The following SSC4D variants were observed in gnomAD, a reference collection of about 807,000 sequenced individuals.
SSC4D encodes scavenger receptor cysteine rich family member with 4 domains.
Under a neutral mutation model 63.4 loss-of-function variants are expected in SSC4D, and 57 were observed. The ratio of observed to expected loss-of-function variants is 0.90; its 90% CI spans 0.73 to 1.12. The LOEUF is 1.12. SSC4D is among the 50% of genes most tolerant of loss of function. The probability of loss-of-function intolerance (pLI) is 0.00; values close to 1 mark genes in which losing one functional copy is unlikely to be tolerated. For missense variants in SSC4D, 791 were observed against 806.4 expected (o/e 0.98, Z 0.23); for synonymous variants, 352 against 345.4 (o/e 1.02, Z -0.21).
At chr7:76,396,935 C>G (rs944127546) in intron 6 of SSC4D, among the ~76,000 whole-genome samples, 1 of 152,124 alleles carries the variant, frequency 6.6e-6, no homozygotes, top group Admixed American at 6.6e-5. Flanking sequence ...TGGAATATCT[C>G]TGGGGCAATT....
Position 76,409,331 on chromosome 7 carries a change from A to ATGT in SSC4D, c.-67+82_-67+83insACA, listed in dbSNP as rs755471557. Reference sequence around the variant, plus strand: ...CTCTCTCTCTCTCTGTCTCACACACACACACACACACACACACACACACAC... The same window carrying ATGT: ...CTCTCTCTCTCTCTGTCTCACACACATGTCACACACACACACACACACACACAC... On this transcript the variant is annotated intron_variant, in intron 1 of 10. Transcript: ENST00000275560. 2.5e-4 allele frequency: 14 copies of ATGT among 55,570 alleles called. No homozygotes were observed. The South Asian group carries it at 7.5e-3, about 30-fold the overall frequency. The allele number at this position is 55,570 out of a possible 1,614,324, so 3.4% of individuals were successfully genotyped here.
At chr7:76,398,855 G>T in intron 4 of SSC4D, 58 bp from the exon 5 acceptor site, 1 of 1,562,764 alleles carries the variant, frequency 6.4e-7, no homozygotes, top group Non-Finnish European at 8.8e-7. Context: ...TCACACCACG[G>T]GGTGTTTAAG....
At position 76,398,894 on chromosome 7, in the gene SSC4D, T is replaced by C. The variant is rs967529095; in HGVS notation, c.476-97A>G. The C allele has an allele frequency of 3.9e-6, 5 of 1,265,894 alleles. No individual in the cohort carries two copies. In the Admixed American group the frequency reaches 6.1e-5, roughly 15 times the overall value. 78.4% of individuals were successfully genotyped at this position (1,265,894 alleles called of 1,614,324 possible). On this transcript the variant is annotated intron_variant, in intron 4 of 10. Transcript: ENST00000275560. ...CAGGAGGATGGACCCATAAGGTGCT[T>C]GCCGCCAGAGCCTCTGGCCACACAA... is the stretch of plus-strand genomic sequence containing the variant.
intron 9 of SSC4D, 150 bp downstream of exon 9, chr7:76,393,255 G>A: frequency 1.3e-6 from 1 of 770,378 alleles, no homozygotes; most frequent in Non-Finnish European, 1.7e-6. Flanking sequence ...CGCAGAGCGG[G>A]CGCACGGCGG....
chr7:76,407,214 G>T (rs1205333321), intron 1 of SSC4D, among the ~76,000 whole-genome samples: 1 of 152,200 alleles, frequency 6.6e-6, no homozygotes, highest in Non-Finnish European at 1.5e-5. Flanking sequence ...ACCCGCCTCG[G>T]TCTCCCAAAG....
chr7:76,393,717 C>T lies in SSC4D; in HGVS notation c.1022-1G>A. 7.9e-6 allele frequency: 11 copies of T among 1,389,942 alleles called. No individual in the cohort carries two copies. Among genetic ancestry groups the T allele is most frequent in the Non-Finnish European group, 1.0e-5 (11 of 1,078,708 alleles). 86.1% of individuals were successfully genotyped at this position (1,389,942 alleles called of 1,614,324 possible). ...CCGCCCACCAGTCGCAGCCGTCCAC[C>T]TGCGGGGCGCACAGGCCCGCGGCCA... On this transcript the variant is annotated splice_acceptor_variant, in intron 8 of 10. Transcript: ENST00000275560. LOFTEE classifies it high-confidence loss of function.
intron 7 of SSC4D, among the ~76,000 whole-genome samples, chr7:76,394,523 G>A (rs528224388): frequency 1.3e-4 from 19 of 151,316 alleles, no homozygotes; most frequent in African/African-American, 1.2e-4. Flanking sequence ...CAATTCTCCT[G>A]CCTCAGCCTT....
chr7:76,398,309 ATTTTT>A (rs575917641), intron 5 of SSC4D, among the ~76,000 whole-genome samples: 8 of 127,214 alleles, frequency 6.3e-5, no homozygotes, highest in Admixed American at 8.1e-5. Context: ...TTCATTTTCT[ATTTTT>A]TTTTTTTTTT....
At chr7:76,397,414 A>C in intron 6 of SSC4D, 104 bp downstream of exon 6, 1 of 1,365,010 alleles carries the variant, frequency 7.3e-7, no homozygotes, top group Non-Finnish European at 9.6e-7. Context: ...AGACAGCCAA[A>C]ACACCCTCCC....
intron 2 of SSC4D, among the ~76,000 whole-genome samples, chr7:76,402,423 C>G (rs1804862978): frequency 6.6e-6 from 1 of 152,100 alleles, no homozygotes; most frequent in South Asian, 2.1e-4. Flanking sequence ...CTCAAGTGAT[C>G]CGCCTGCCTC....
intron 10 of SSC4D, among the ~76,000 whole-genome samples, chr7:76,391,708 G>T (rs188376569): frequency 1.3e-5 from 2 of 152,172 alleles, no homozygotes; most frequent in East Asian, 3.9e-4. Context: ...TCATTGCTCT[G>T]CTCAGGACAG....
Position 76,400,586 on chromosome 7 carries a change from T to A in SSC4D, c.175A>T (p.Arg59Trp), listed in dbSNP as rs1397274850. Residue 59 changes from arginine (R) to tryptophan (W), a missense_variant, in exon 4 of 11, where the codon AGG becomes TGG. Arg to Trp is a moderately radical substitution (Grantham distance 101). Transcript: ENST00000275560. The part of the protein sequence containing the change: ...QPTPLPFQEL[R>W]LVGGPSRCRG... ...CAGCGGCTGGGGCCCCCCACCAGCC[T>A]CAGCTCTGTGAAGAGGGTGGAGCTG... is the stretch of plus-strand genomic sequence containing the variant. The A allele has an allele frequency of 6.8e-7, 1 of 1,470,826 alleles. No individual in the cohort carries two copies. 91.1% of individuals were successfully genotyped at this position (1,470,826 alleles called of 1,614,324 possible). A position where few individuals can be genotyped will look rare whatever the true frequency, so the allele number is the denominator to read the frequency against.
At chr7:76,399,934 T>C (rs1346962676) in intron 4 of SSC4D, among the ~76,000 whole-genome samples, 1 of 152,132 alleles carries the variant, frequency 6.6e-6, no homozygotes, top group East Asian at 1.9e-4. Context: ...GAGGCTGCAG[T>C]GGGCTATGAT....
At chr7:76,401,586 T>G (rs1022514368) in intron 2 of SSC4D, among the ~76,000 whole-genome samples, 2 of 152,042 alleles carry the variant, frequency 1.3e-5, no homozygotes, top group African/African-American at 4.8e-5. Flanking sequence ...CCAGCTAATT[T>G]TTGTATTTTT....
chr7:76,405,306 TATATATA>T (rs1804972471), intron 1 of SSC4D, among the ~76,000 whole-genome samples: 6 of 63,120 alleles, frequency 9.5e-5, no homozygotes, highest in African/African-American at 4.2e-4. Context: ...TATATATATA[TATATATA>T]TATGTATTTT....
rs140765173 is a variant in SSC4D at position 76,402,289 on chromosome 7, C to T, written c.134-1246G>A. ...CTGCCTCCTGGGTTCAAGTGATTCT[C>T]CCACCTCAGCCTCCCGAGTAATTGG... On this transcript the variant is annotated intron_variant, in intron 2 of 10. Transcript: ENST00000275560. Among the ~76,000 whole-genome samples the T allele has an allele frequency of 2.7e-3, 408 of 151,384 alleles. 2 individuals carry two copies. Among genetic ancestry groups the T allele is most frequent in the African/African-American group, 9.3e-3 (384 of 41,286 alleles).
chr7:76,397,530 C>A lies in SSC4D; in HGVS notation c.856G>T (p.Ala286Ser). 1 of 1,566,080 alleles carries A rather than the reference C, an allele frequency of 6.4e-7. No individual in the cohort carries two copies. The part of the protein sequence containing the change: ...HNCGHHEDAG[A>S]LCAGLGPPTL... ...CTAGAGCCCGCACCTGCGCAGAGCG[C>A]GCCCGCGTCCTCGTGGTGGCCGCAG... Residue 286 changes from alanine to serine, a missense_variant, in exon 6 of 11, where the codon GCG becomes TCG. Coordinates refer to ENST00000275560, the MANE Select transcript of SSC4D (RefSeq NM_080744.2).
chr7:76,391,993 G>A lies in SSC4D; in HGVS notation c.1382C>T (p.Thr461Met), dbSNP rs747952891. The change falls in exon 10 of 11, where the codon ACG (threonine) becomes ATG (methionine). Residue 461 changes from threonine to methionine, a missense_variant. Coordinates refer to ENST00000275560, the MANE Select transcript of SSC4D (RefSeq NM_080744.2). Reference protein sequence around the residue: ...LQVQQDGSETTRVPTPRPRDG... With the variant: ...LQVQQDGSETMRVPTPRPRDG... ...CCTGGGCCGAGGAGTGGGCACCCGCGTGGTCTCAGAACCATCCTGCTGGAC... is the reference window on the plus strand; with the variant it reads ...CCTGGGCCGAGGAGTGGGCACCCGCATGGTCTCAGAACCATCCTGCTGGAC... 12 of 1,594,016 alleles carry A rather than the reference G, an allele frequency of 7.5e-6. No homozygotes were observed. The highest frequency in any genetic ancestry group is 9.4e-6 in the Non-Finnish European group (11 of 1,170,182).
In SSC4D at chr7:76,392,037, T is replaced by C; in HGVS notation, c.1338A>G (p.Pro446=). Residue 446 remains proline, a synonymous_variant, in exon 10 of 11, where the codon CCA becomes CCG. Transcript: ENST00000275560. Reference sequence around the variant, plus strand: ...GCTGGACTTGCAGTCCCAGCTCCTCTGGGCCTGGTTCAGGAAGGACAGAGA... The same window carrying C: ...GCTGGACTTGCAGTCCCAGCTCCTCCGGGCCTGGTTCAGGAAGGACAGAGA... ...HEDAGALCAG[P]EELGLQVQQD... 2.5e-6 allele frequency: 4 copies of C among 1,570,888 alleles called. No homozygotes were observed. The highest frequency in any genetic ancestry group is 2.3e-5 in the East Asian group (1 of 42,844).
Sources: allele counts gnomAD v4.1 joint callset (sites outside exome capture counted in the v4.1 genomes callset), GRCh38; gene constraint gnomAD v4.1.1; transcripts MANE v1.5; gene names NCBI Gene and HGNC (gene_info 2026-07-23, HGNC 2026-07-21).